Variants in USP7 observed in about 807,000 individuals in gnomAD.
The protein encoded by USP7 is ubiquitin C-terminal hydrolase 7.
A neutral mutation model predicts 162.9 loss-of-function variants in USP7; 9 were observed. The observed-to-expected ratio is 0.06, with a 90% CI of 0.03 to 0.10. The LOEUF (loss-of-function observed/expected upper bound fraction) is 0.10. Ranked by LOEUF, USP7 falls within the 10% of genes least tolerant of loss-of-function variation. The probability of loss-of-function intolerance (pLI) is 1.00; values close to 1 mark genes in which losing one functional copy is unlikely to be tolerated. For synonymous variants in USP7, 562 were observed against 475.9 expected (o/e 1.18, Z -2.35); for missense variants, 715 against 1,373.7 (o/e 0.52, Z 7.58).
intron 4 of USP7, 93 bp from the exon 5 acceptor site, chr16:8,920,540 G>T: frequency 3.0e-6 from 3 of 1,013,192 alleles, no homozygotes; most frequent in South Asian, 1.7e-5. Context: ...ACTTAATAGA[G>T]ATGAAAATAC....
At chr16:8,895,192 G>A in intron 27 of USP7, 42 bp from the exon 28 acceptor site, 1 of 1,613,648 alleles carries the variant, frequency 6.2e-7, no homozygotes. Context: ...AAGTGCAAGT[G>A]ATGTGGTCAA....
In USP7 at chr16:8,959,871, T is replaced by G. The variant is rs186550104; in HGVS notation, c.79+3336A>C. 2.1e-3 allele frequency among the ~76,000 whole-genome samples: 319 copies of G among 152,308 alleles called. 1 individual carries two copies. The highest frequency in any genetic ancestry group is 7.1e-3 in the African/African-American group (294 of 41,566). On this transcript the variant is annotated intron_variant, in intron 1 of 30. Coordinates refer to ENST00000344836, the MANE Select transcript of USP7 (RefSeq NM_003470.3). ...AGAAGCTGCAGCTGACCCATTAATT[T>G]GCTCCTAATAGCAGCAGTCTAAGTG...
At chr16:8,895,793 T>C (rs2061671908) in intron 26 of USP7, 52 bp from the exon 27 acceptor site, 2 of 1,178,130 alleles carry the variant, frequency 1.7e-6, no homozygotes, top group Non-Finnish European at 1.2e-6. Flanking sequence ...TATATTCACA[T>C]AAAAATAAAA....
intron 1 of USP7, among the ~76,000 whole-genome samples, chr16:8,953,395 G>A (rs1270053815): frequency 6.6e-6 from 1 of 151,904 alleles, no homozygotes; most frequent in Non-Finnish European, 1.5e-5. Flanking sequence ...CAGCCTCTGT[G>A]GACACTACAG....
intron 24 of USP7, 34 bp downstream of exon 24, chr16:8,898,497 T>C: frequency 1.2e-6 from 2 of 1,605,846 alleles, no homozygotes; most frequent in Non-Finnish European, 1.7e-6. Flanking sequence ...GCCTTCTCTT[T>C]ATGACCCATA....
chr16:8,901,247 T>G lies in USP7; in HGVS notation c.2048-13A>C, dbSNP rs1225328232. Reference sequence around the variant, plus strand: ...AACATTACATCATCTACAAGGTTAATAAACAAGTTTTGTTAAGATCCAAAC... The same window carrying G: ...AACATTACATCATCTACAAGGTTAAGAAACAAGTTTTGTTAAGATCCAAAC... On this transcript the variant is annotated splice_polypyrimidine_tract_variant and intron_variant, in intron 18 of 30. Transcript: ENST00000344836. The G allele has an allele frequency of 5.7e-6, 9 of 1,588,368 alleles. No individual in the cohort carries two copies. Among genetic ancestry groups the G allele is most frequent in the Non-Finnish European group, 6.9e-6 (8 of 1,158,424 alleles).
chr16:8,934,497 A>G (rs1027947946), intron 1 of USP7, among the ~76,000 whole-genome samples: 1 of 152,214 alleles, frequency 6.6e-6, no homozygotes, highest in African/African-American at 2.4e-5. Flanking sequence ...TCTACCCCCC[A>G]TTTTTCAGCA....
chr16:8,908,459 T>C lies in USP7; in HGVS notation c.1162-9A>G, dbSNP rs1380911986. On this transcript the variant is annotated splice_polypyrimidine_tract_variant and intron_variant, in intron 11 of 30. Coordinates refer to ENST00000344836, the MANE Select transcript of USP7 (RefSeq NM_003470.3). The stretch of plus-strand genomic sequence containing the variant: ...ACACCTTTCTCTGCTTCCTAAACAT[T>C]GAAAAACAAATGCAAATGTAGTTAG... The C allele has an allele frequency of 1.9e-6, 3 of 1,603,136 alleles. No individual in the cohort carries two copies. Among genetic ancestry groups the C allele is most frequent in the Non-Finnish European group, 2.6e-6 (3 of 1,175,012 alleles).
Position 8,930,397 on chromosome 16 carries a change from G to A in USP7, c.80C>T (p.Ala27Val), listed in dbSNP as rs370070575. Residue 27 changes from alanine to valine, a missense_variant and splice_region_variant, in exon 2 of 31, where the codon GCG (alanine) becomes GTG (valine). By Grantham distance (64) the Ala-to-Val change is moderately conservative (BLOSUM62 0). Coordinates refer to ENST00000344836, the MANE Select transcript of USP7 (RefSeq NM_003470.3). ...LSEPEDMEME[A>V]GDTDDPPRIT... is the part of the protein sequence containing the mutation. ...TCTTGGTGGGTCATCTGTATCTCCC[G>A]CTTTAAAGAAGAAAAAGAAATTCCA... 20 of 1,596,200 alleles carry A rather than the reference G, an allele frequency of 1.3e-5. No individual in the cohort carries two copies. Among genetic ancestry groups the A allele is most frequent in the African/African-American group, 9.5e-5 (7 of 73,702 alleles).
intron 10 of USP7, among the ~76,000 whole-genome samples, chr16:8,914,627 A>C (rs1296821492): frequency 6.6e-6 from 1 of 152,212 alleles, no homozygotes; most frequent in Non-Finnish European, 1.5e-5. Context: ...GGGCAAAAGG[A>C]ATCAGACACA....
intron 1 of USP7, among the ~76,000 whole-genome samples, chr16:8,955,144 G>C (rs1161964060): frequency 6.6e-6 from 1 of 152,138 alleles, no homozygotes; most frequent in African/African-American, 2.4e-5. Context: ...CTTGTTCTAA[G>C]AATAACCGCT....
At chr16:8,929,013 T>C (rs1422521296) in intron 2 of USP7, among the ~76,000 whole-genome samples, 1 of 71,354 alleles carries the variant, frequency 1.4e-5, no homozygotes, top group Non-Finnish European at 3.8e-5. Context: ...AGCTCCGCCC[T>C]ATATCTATGT....
rs2061782492 is a variant in USP7, at chr16:8,902,009, T to C, written c.2047+73A>G. 4.8e-6 allele frequency: 6 copies of C among 1,249,494 alleles called. No individual in the cohort carries two copies. The Admixed American group carries it at 9.0e-5, about 19-fold the overall frequency. The allele number at this position is 1,249,494 out of a possible 1,614,324, so 77.4% of individuals were successfully genotyped here. ...TGCAAGGGAAGAAGGCTTAACCCTG[T>C]GTGTTTAGAACAACAATCCAGGAAT... On this transcript the variant is annotated intron_variant, in intron 18 of 30. Transcript: ENST00000344836.
At chr16:8,951,515 C>A (rs1280692719) in intron 1 of USP7, among the ~76,000 whole-genome samples, 1 of 152,124 alleles carries the variant, frequency 6.6e-6, no homozygotes, top group African/African-American at 2.4e-5. Flanking sequence ...GCTCTGCAGG[C>A]TTGGAGAGAG....
intron 1 of USP7, among the ~76,000 whole-genome samples, chr16:8,959,527 G>T (rs1567251604): frequency 6.6e-6 from 1 of 152,192 alleles, no homozygotes; most frequent in African/African-American, 2.4e-5. Context: ...AGAGTGAGAT[G>T]CTAGGTTTGG....
intron 2 of USP7, among the ~76,000 whole-genome samples, chr16:8,928,010 C>T (rs1223575609): frequency 6.6e-6 from 1 of 152,182 alleles, no homozygotes; most frequent in Non-Finnish European, 1.5e-5. Flanking sequence ...GGCGGTACTT[C>T]CTTGGTCATC....
At chr16:8,938,383 C>G (rs1172285139) in intron 1 of USP7, among the ~76,000 whole-genome samples, 1 of 151,788 alleles carries the variant, frequency 6.6e-6, no homozygotes, top group Non-Finnish European at 1.5e-5. Flanking sequence ...ACAGTCAAGT[C>G]TTCCACATCT....
In USP7 at chr16:8,940,576, G is replaced by C. The variant is rs371830715; in HGVS notation, c.80-10179C>G. 7.2e-5 allele frequency among the ~76,000 whole-genome samples: 11 copies of C among 152,286 alleles called. No homozygotes were observed. In the East Asian group the frequency reaches 2.1e-3, roughly 29 times the overall value. ...TGGCCCCTGCATCAGAAAGGGAGAG[G>C]TGGGAGCCTGTAAGCTCCCGAGGCA... On this transcript the variant is annotated intron_variant, in intron 1 of 30. Transcript: ENST00000344836.
At chr16:8,959,400 C>T (rs1233540102) in intron 1 of USP7, among the ~76,000 whole-genome samples, 2 of 150,884 alleles carry the variant, frequency 1.3e-5, no homozygotes, top group African/African-American at 2.4e-5. Context: ...TTACTAGTAT[C>T]GATCATTTCA....
Sources: allele counts gnomAD v4.1 joint callset (sites outside exome capture counted in the v4.1 genomes callset), GRCh38; gene constraint gnomAD v4.1.1; transcripts MANE v1.5; gene names NCBI Gene and HGNC (gene_info 2026-07-23, HGNC 2026-07-21).